The following SGCZ variants were observed in gnomAD, a reference collection of about 807,000 sequenced individuals.
SGCZ encodes the protein sarcoglycan zeta, also known as zeta-sarcoglycan.
A neutral mutation model predicts 41.3 loss-of-function variants in SGCZ; 40 were observed. The ratio of observed to expected loss-of-function variants is 0.97; its 90% CI spans 0.75 to 1.26. The LOEUF (loss-of-function observed/expected upper bound fraction) is 1.26, where lower values mean the gene tolerates loss of function less well. SGCZ is among the 50% of genes most tolerant of loss of function. The pLI is 0.00. For synonymous variants in SGCZ, 206 were observed against 137.5 expected (o/e 1.50, Z -3.49); for missense variants, 552 against 369.8 (o/e 1.49, Z -4.04).
chr8:14,924,081 A>C (rs1799671127), intron 1 of SGCZ, among the ~76,000 whole-genome samples: 1 of 152,222 alleles, frequency 6.6e-6, no homozygotes, highest in African/African-American at 2.4e-5. Context: ...GAAGGCAGTA[A>C]AGCCACTCGC....
chr8:14,537,964 T>C (rs971418826), intron 2 of SGCZ, among the ~76,000 whole-genome samples: 1 of 152,088 alleles, frequency 6.6e-6, no homozygotes, highest in African/African-American at 2.4e-5. Flanking sequence ...CCATCACATA[T>C]ATTTTTAACT....
At chr8:14,251,774 C>T (rs1799295027) in intron 3 of SGCZ, among the ~76,000 whole-genome samples, 1 of 151,970 alleles carries the variant, frequency 6.6e-6, no homozygotes, top group African/African-American at 2.4e-5. Flanking sequence ...ATAAATTTAA[C>T]TTTGTAAAAT....
chr8:14,817,095 C>A (rs1278742337), intron 1 of SGCZ, among the ~76,000 whole-genome samples: 3 of 152,158 alleles, frequency 2.0e-5, no homozygotes, highest in South Asian at 4.1e-4. Flanking sequence ...TGGTTCATCT[C>A]CCCTTCCCAG....
At chr8:14,661,317 A>G (rs1807740145) in intron 1 of SGCZ, among the ~76,000 whole-genome samples, 1 of 152,174 alleles carries the variant, frequency 6.6e-6, no homozygotes, top group Non-Finnish European at 1.5e-5. Context: ...TCAACTATAA[A>G]TATATGAATG....
chr8:14,639,950 T>A (rs570221471), intron 1 of SGCZ, among the ~76,000 whole-genome samples: 1 of 151,686 alleles, frequency 6.6e-6, no homozygotes, highest in African/African-American at 2.4e-5. Flanking sequence ...TGACAGACAG[T>A]AGTTACTTAG....
intron 4 of SGCZ, among the ~76,000 whole-genome samples, chr8:14,206,455 A>T (rs748598404): frequency 4.6e-5 from 7 of 152,178 alleles, no homozygotes; most frequent in Non-Finnish European, 8.8e-5. Context: ...ACATTAAATA[A>T]ATCACAGAAT....
intron 1 of SGCZ, among the ~76,000 whole-genome samples, chr8:14,793,929 G>C (rs1472452447): frequency 6.6e-6 from 1 of 152,012 alleles, no homozygotes; most frequent in Admixed American, 6.6e-5. Context: ...CTCTCAGTCT[G>C]GTTCTCCCAC....
At chr8:14,920,895 C>A (rs76725165) in intron 1 of SGCZ, among the ~76,000 whole-genome samples, 2,197 of 152,226 alleles carry the variant, frequency 0.014, 20 homozygotes, top group Non-Finnish European at 0.022. Context: ...ATGCCTGAAC[C>A]AGAATTGAAA....
intron 1 of SGCZ, among the ~76,000 whole-genome samples, chr8:14,771,357 A>T (rs1447318723): frequency 1.3e-5 from 2 of 152,286 alleles, no homozygotes; most frequent in East Asian, 3.9e-4. Context: ...AGGATATTTG[A>T]AAATTAAGCT....
At chr8:14,778,903 C>T (rs1221326338) in intron 1 of SGCZ, among the ~76,000 whole-genome samples, 8 of 152,156 alleles carry the variant, frequency 5.3e-5, no homozygotes, top group Admixed American at 5.2e-4. Flanking sequence ...TTCGTGAAAA[C>T]ACATTAGGAA....
At chr8:14,473,733 C>T (rs1451343897) in intron 2 of SGCZ, among the ~76,000 whole-genome samples, 2 of 151,946 alleles carry the variant, frequency 1.3e-5, no homozygotes, top group African/African-American at 2.4e-5. Flanking sequence ...GTCAGGAGAT[C>T]GAGACCAACT....
At chr8:14,249,293 A>AT (rs1405109198) in intron 3 of SGCZ, among the ~76,000 whole-genome samples, 1 of 151,990 alleles carries the variant, frequency 6.6e-6, no homozygotes, top group Non-Finnish European at 1.5e-5. Flanking sequence ...GGCGCTTTTG[A>AT]TTTTCAGGCC....
chr8:15,195,258 C>T (rs2117119961), intron 1 of SGCZ, among the ~76,000 whole-genome samples: 1 of 152,132 alleles, frequency 6.6e-6, no homozygotes, highest in South Asian at 2.1e-4. Context: ...TACTGGGAGA[C>T]GTGTGTCCTC....
chr8:14,283,732 T>C (rs58355257), intron 3 of SGCZ, among the ~76,000 whole-genome samples: 24,877 of 152,142 alleles, frequency 0.16, 2,237 homozygotes, highest in East Asian at 0.28. Flanking sequence ...TAATAAATAG[T>C]TTAGGATTTC....
At chr8:15,125,467 TG>T (rs1377358271) in intron 1 of SGCZ, among the ~76,000 whole-genome samples, 1 of 152,170 alleles carries the variant, frequency 6.6e-6, no homozygotes, top group African/African-American at 2.4e-5. Flanking sequence ...CCCTTCTTTG[TG>T]CAAACTTCTC....
chr8:14,292,500 T>C (rs1433041252), intron 3 of SGCZ, among the ~76,000 whole-genome samples: 1 of 152,042 alleles, frequency 6.6e-6, no homozygotes, highest in Non-Finnish European at 1.5e-5. Flanking sequence ...GAATTCAACA[T>C]ACTCTGAAGA....
At chr8:14,151,632 G>C (rs115928501) in intron 5 of SGCZ, among the ~76,000 whole-genome samples, 2,886 of 151,868 alleles carry the variant, frequency 0.019, 84 homozygotes, top group African/African-American at 0.065. Context: ...AATACATAAA[G>C]ACCCAAGCCC....
At chr8:15,226,479 C>T (rs1801776739) in intron 1 of SGCZ, among the ~76,000 whole-genome samples, 1 of 152,166 alleles carries the variant, frequency 6.6e-6, no homozygotes, top group African/African-American at 2.4e-5. Flanking sequence ...TAGTCATCAT[C>T]AGCAGCAGCT....
chr8:14,390,024 GA>G (rs1804713655), intron 2 of SGCZ, among the ~76,000 whole-genome samples: 1 of 151,608 alleles, frequency 6.6e-6, no homozygotes, highest in East Asian at 1.9e-4. Context: ...CAAGACTGAA[GA>G]AAAAAACAAA....
Sources: allele counts gnomAD v4.1 joint callset (sites outside exome capture counted in the v4.1 genomes callset), GRCh38; gene constraint gnomAD v4.1.1; transcripts MANE v1.5; gene names NCBI Gene and HGNC (gene_info 2026-07-23, HGNC 2026-07-21).